YIPF5: variants seen among roughly 807,000 people sequenced by gnomAD.
The protein encoded by YIPF5 is protein YIPF5.
A neutral mutation model predicts 30.4 loss-of-function variants in YIPF5; 8 were observed. That is an observed-to-expected ratio of 0.26 (90% confidence interval 0.15 to 0.47). YIPF5 has a LOEUF of 0.47. Ranked by LOEUF, YIPF5 falls within the 20% of genes least tolerant of loss-of-function variation. The pLI, the probability that YIPF5 is intolerant of heterozygous loss-of-function variation, is 0.99. For synonymous variants in YIPF5, 104 were observed against 107.9 expected (o/e 0.96, Z 0.23); for missense variants, 282 against 301.8 (o/e 0.93, Z 0.49).
chr5:144,162,193 C>A, intron 5 of YIPF5, 25 bp downstream of exon 5: 1 of 1,604,284 alleles, frequency 6.2e-7, no homozygotes, highest in Non-Finnish European at 8.5e-7. Flanking sequence ...GTCAATCAAC[C>A]CCCAAAATAA....
Position 144,164,095 on chromosome 5 carries a change from G to T in YIPF5, c.429+16C>A. On this transcript the variant is annotated intron_variant, in intron 4 of 5. Transcript: ENST00000274496. ...GTTCTTTAATTGCACCCTGAAGGTT[G>T]AAATGAAAATCTTACCAGTAGCAAT... 2 of 1,606,410 alleles carry T rather than the reference G, an allele frequency of 1.2e-6. No homozygotes were observed. The highest frequency in any genetic ancestry group is 1.7e-6 in the Non-Finnish European group (2 of 1,177,816).
intron 5 of YIPF5, 56 bp from the exon 6 acceptor site, chr5:144,160,615 A>ATG: frequency 7.0e-7 from 1 of 1,436,410 alleles, no homozygotes; most frequent in East Asian, 2.3e-5. Flanking sequence ...GAGATTAGTT[A>ATG]TGTAAGAATA....
In YIPF5 at chr5:144,159,995, A is replaced by G. The variant is rs2126754712; in HGVS notation, c.*402T>C. The G allele has an allele frequency of 4.0e-6, 4 of 987,882 alleles. No homozygotes were observed. In the South Asian group the frequency reaches 1.4e-4, roughly 35 times the overall value. The allele number at this position is 987,882 out of a possible 1,614,324, so 61.2% of individuals were successfully genotyped here. ...AGTGCTGGGATTACAGGCGTGAGCT[A>G]CCACGCCCGGCCGTCTTGTGTCTTC... On this transcript the variant is annotated 3_prime_UTR_variant, in exon 6 of 6. Coordinates refer to ENST00000274496, the MANE Select transcript of YIPF5 (RefSeq NM_030799.9).
At chr5:144,165,797 A>G (rs73792177) in intron 2 of YIPF5, among the ~76,000 whole-genome samples, 193 bp from the exon 3 acceptor site, 141 of 152,296 alleles carry the variant, frequency 9.3e-4, no homozygotes, top group Middle Eastern at 3.4e-3. Flanking sequence ...TACAATAAAA[A>G]AATCATAATT....
At chr5:144,162,182 G>C (rs746887644) in intron 5 of YIPF5, 36 bp downstream of exon 5, 1 of 1,595,262 alleles carries the variant, frequency 6.3e-7, no homozygotes, top group South Asian at 1.1e-5. Context: ...ACATAGAATT[G>C]GTCAATCAAC....
intron 2 of YIPF5, among the ~76,000 whole-genome samples, chr5:144,166,878 A>T (rs1023756293): frequency 6.6e-6 from 1 of 152,154 alleles, no homozygotes; most frequent in African/African-American, 2.4e-5. Context: ...ACTCTCTAAC[A>T]AGTATATAGA....
At position 144,159,583 on chromosome 5, in the gene YIPF5, G is replaced by A. The variant is rs1751969208; in HGVS notation, c.*814C>T. Reference sequence around the variant, plus strand: ...TTTACAGTAATGTCAAATTTTTGGAGTGCAAACTCATACTCTACATTTGGA... The same window carrying A: ...TTTACAGTAATGTCAAATTTTTGGAATGCAAACTCATACTCTACATTTGGA... On this transcript the variant is annotated 3_prime_UTR_variant, in exon 6 of 6. Coordinates refer to ENST00000274496, the MANE Select transcript of YIPF5 (RefSeq NM_030799.9). 1 of 985,188 alleles carries A rather than the reference G, an allele frequency of 1.0e-6. No individual in the cohort carries two copies. Among genetic ancestry groups the A allele is most frequent in the African/African-American group, 1.7e-5 (1 of 57,186 alleles). The allele number at this position is 985,188 out of a possible 1,614,324, so 61.0% of individuals were successfully genotyped here. A position where few individuals can be genotyped will look rare whatever the true frequency, so the allele number is the denominator to read the frequency against.
intron 3 of YIPF5, among the ~76,000 whole-genome samples, chr5:144,164,910 G>A (rs1195532427): frequency 6.6e-6 from 1 of 152,042 alleles, no homozygotes; most frequent in Non-Finnish European, 1.5e-5. Flanking sequence ...AGGAATACCC[G>A]GGGGCCCATT....
At chr5:144,167,955 C>T (rs978012042) in intron 2 of YIPF5, among the ~76,000 whole-genome samples, 1 of 152,140 alleles carries the variant, frequency 6.6e-6, no homozygotes, top group African/African-American at 2.4e-5. Flanking sequence ...CTTGAAGGTA[C>T]GCACAGAAGA....
chr5:144,160,310 C>T lies in YIPF5; in HGVS notation c.*87G>A, dbSNP rs1218982326. The T allele has an allele frequency of 1.4e-5, 21 of 1,529,186 alleles. No homozygotes were observed. The highest frequency in any genetic ancestry group is 6.2e-5 in the Admixed American group (3 of 48,016). The allele number at this position is 1,529,186 out of a possible 1,614,324, so 94.7% of individuals were successfully genotyped here. Reference sequence around the variant, plus strand: ...CAAATGTAAATCTGCATGAGAGTTGCGCTGCAGCAGTTTGCTGGTCCAATT... The same window carrying T: ...CAAATGTAAATCTGCATGAGAGTTGTGCTGCAGCAGTTTGCTGGTCCAATT... On this transcript the variant is annotated 3_prime_UTR_variant, in exon 6 of 6. Transcript: ENST00000274496.
chr5:144,169,744 T>C (rs1186241593), intron 2 of YIPF5, 102 bp downstream of exon 2: 18 of 932,226 alleles, frequency 1.9e-5, no homozygotes, highest in African/African-American at 5.0e-5. Flanking sequence ...ATACTCCTGA[T>C]AAAGGACATG....
chr5:144,169,567 C>G (rs1406632397), intron 2 of YIPF5, among the ~76,000 whole-genome samples: 2 of 152,198 alleles, frequency 1.3e-5, no homozygotes, highest in Non-Finnish European at 2.9e-5. Context: ...CTTCTAAATA[C>G]AGAAATACTG....
In YIPF5 at chr5:144,169,881, G is replaced by C. The variant is rs1752318706; in HGVS notation, c.75C>G (p.Ser25=). The part of the protein sequence containing the change: ...SYSIDDQSQQ[S]YDYGGSGGPY... ...GTCCTCCACTTCCTCCATAATCATA[G>C]GACTGCTGTGACTGATCATCGATGC... Residue 25 remains serine (S), a synonymous_variant, in exon 2 of 6, where the codon TCC becomes TCG. Coordinates refer to ENST00000274496, the MANE Select transcript of YIPF5 (RefSeq NM_030799.9). 1 of 1,614,060 alleles carries C rather than the reference G, an allele frequency of 6.2e-7. No individual in the cohort carries two copies. The highest frequency in any genetic ancestry group is 8.5e-7 in the Non-Finnish European group (1 of 1,180,044).
chr5:144,165,429 T>C lies in YIPF5; in HGVS notation c.283+3A>G. On this transcript the variant is annotated splice_donor_region_variant and intron_variant, in intron 3 of 5. Coordinates refer to ENST00000274496, the MANE Select transcript of YIPF5 (RefSeq NM_030799.9). ...TACTATCAAGTGTTGCAACAAATCTTACCTTCTAATAAAGGTGGCTCATCC... is the reference window on the plus strand; with the variant it reads ...TACTATCAAGTGTTGCAACAAATCTCACCTTCTAATAAAGGTGGCTCATCC... 1 of 1,614,008 alleles carries C rather than the reference T, an allele frequency of 6.2e-7. No individual in the cohort carries two copies. The highest frequency in any genetic ancestry group is 8.5e-7 in the Non-Finnish European group (1 of 1,179,858).
At chr5:144,162,085 G>C (rs1293788889) in intron 5 of YIPF5, 133 bp downstream of exon 5, 13 of 892,598 alleles carry the variant, frequency 1.5e-5, no homozygotes, top group Non-Finnish European at 2.2e-5. Flanking sequence ...GAAACCATTT[G>C]GCACTGTCCC....
At chr5:144,170,342 G>T in intron 1 of YIPF5, 193 bp downstream of exon 1, 1 of 185,906 alleles carries the variant, frequency 5.4e-6, no homozygotes, top group South Asian at 9.3e-5. Context: ...TAAGGCCTGC[G>T]GCCTGCCAGG....
intron 3 of YIPF5, among the ~76,000 whole-genome samples, chr5:144,164,709 A>G (rs1290667880): frequency 1.3e-5 from 2 of 151,880 alleles, no homozygotes; most frequent in African/African-American, 4.8e-5. Flanking sequence ...CCTGGATGAT[A>G]TTATTTCAGT....
intron 5 of YIPF5, among the ~76,000 whole-genome samples, chr5:144,161,490 G>C (rs1752044708): frequency 6.6e-6 from 1 of 151,886 alleles, no homozygotes; most frequent in Non-Finnish European, 1.5e-5. Flanking sequence ...GATTACACAG[G>C]CATGTGCTAC....
At chr5:144,167,004 T>C (rs900272260) in intron 2 of YIPF5, among the ~76,000 whole-genome samples, 2 of 152,156 alleles carry the variant, frequency 1.3e-5, no homozygotes, top group African/African-American at 4.8e-5. Context: ...AATGTTAACA[T>C]ACCTAAAAAG....
Sources: allele counts gnomAD v4.1 joint callset (sites outside exome capture counted in the v4.1 genomes callset), GRCh38; gene constraint gnomAD v4.1.1; transcripts MANE v1.5; gene names NCBI Gene and HGNC (gene_info 2026-07-23, HGNC 2026-07-21).